Variants in NRXN3 observed in about 807,000 individuals in gnomAD.
NRXN3 encodes neurexin 3, also known as neurexin III.
A neutral mutation model predicts 137.6 loss-of-function variants in NRXN3; 32 were observed. The observed-to-expected ratio is 0.23, with a 90% CI of 0.18 to 0.31. The LOEUF (loss-of-function observed/expected upper bound fraction) is 0.31. Ranked by LOEUF, NRXN3 falls within the 10% of genes least tolerant of loss-of-function variation. The pLI is 1.00. For synonymous variants in NRXN3, 798 were observed against 784.5 expected (o/e 1.02, Z -0.29); for missense variants, 1,574 against 2,062.5 (o/e 0.76, Z 4.59).
chr14:78,308,474 A>G (rs1249683696), intron 4 of NRXN3, among the ~76,000 whole-genome samples: 3 of 152,080 alleles, frequency 2.0e-5, no homozygotes, highest in African/African-American at 4.8e-5. Flanking sequence ...TTTTCTCTGT[A>G]CTTTGACCTC....
chr14:79,229,331 T>C (rs978806103), intron 15 of NRXN3, among the ~76,000 whole-genome samples: 3 of 152,162 alleles, frequency 2.0e-5, no homozygotes, highest in African/African-American at 7.2e-5. Flanking sequence ...ATCTATTCTG[T>C]TTTTAGGCTT....
chr14:79,538,289 T>G (rs2153730112), intron 16 of NRXN3, among the ~76,000 whole-genome samples: 2 of 152,324 alleles, frequency 1.3e-5, no homozygotes, highest in East Asian at 1.9e-4. Context: ...AGAAGCTCTT[T>G]AGTTTAATTA....
At chr14:79,579,697 T>C (rs2097697387) in intron 16 of NRXN3, among the ~76,000 whole-genome samples, 1 of 152,150 alleles carries the variant, frequency 6.6e-6, no homozygotes, top group African/African-American at 2.4e-5. Flanking sequence ...TACATATCAG[T>C]GGGGTCCATG....
chr14:79,131,404 C>A (rs1203823832), intron 15 of NRXN3, among the ~76,000 whole-genome samples: 1 of 152,152 alleles, frequency 6.6e-6, no homozygotes, highest in East Asian at 1.9e-4. Flanking sequence ...ACAGACAGGA[C>A]CCTCAGCTGC....
chr14:78,314,961 T>TC (rs1392648156), intron 4 of NRXN3, among the ~76,000 whole-genome samples: 2 of 82,178 alleles, frequency 2.4e-5, no homozygotes. Flanking sequence ...CTTCCTTCCT[T>TC]CCTTCCTTCC....
At chr14:79,258,754 A>T (rs2077128538) in intron 15 of NRXN3, among the ~76,000 whole-genome samples, 1 of 152,178 alleles carries the variant, frequency 6.6e-6, no homozygotes, top group Non-Finnish European at 1.5e-5. Flanking sequence ...AATGGGAGAT[A>T]TCATTATGCT....
At chr14:79,280,293 T>C in intron 15 of NRXN3, 1 of 1,614,090 alleles carries the variant, frequency 6.2e-7, no homozygotes, top group Non-Finnish European at 8.5e-7. Context: ...GCGTTGACCA[T>C]GCACCTGAGA....
At chr14:78,224,156 G>A (rs2064189453) in intron 1 of NRXN3, among the ~76,000 whole-genome samples, 1 of 150,320 alleles carries the variant, frequency 6.7e-6, no homozygotes, top group Non-Finnish European at 1.5e-5. Context: ...TTGGCATCCA[G>A]GACCTTTGGA....
chr14:78,577,266 C>T (rs1320668605), intron 4 of NRXN3, among the ~76,000 whole-genome samples: 2 of 152,254 alleles, frequency 1.3e-5, no homozygotes, highest in Non-Finnish European at 2.9e-5. Flanking sequence ...TGTTGGTCCT[C>T]ATTATTCCCA....
At chr14:78,614,896 A>G (rs769584076) in intron 4 of NRXN3, 22 of 454,108 alleles carry the variant, frequency 4.8e-5, no homozygotes, top group Admixed American at 3.1e-4. Context: ...CTCAGCAGCT[A>G]GTGGAACTCT....
chr14:78,805,263 T>C (rs1200778555), intron 9 of NRXN3, among the ~76,000 whole-genome samples: 3 of 152,186 alleles, frequency 2.0e-5, no homozygotes, highest in African/African-American at 7.2e-5. Context: ...TTGGTTTTTC[T>C]TTTGTTTGTG....
chr14:78,810,393 A>ACTG, intron 10 of NRXN3, 49 bp downstream of exon 10: 1 of 1,105,108 alleles, frequency 9.0e-7, no homozygotes, highest in Non-Finnish European at 1.3e-6. Flanking sequence ...AAAAAAACAA[A>ACTG]ACTGACTTTA....
At position 79,141,346 on chromosome 14, in the gene NRXN3, A is replaced by G. The variant is rs565988157; in HGVS notation, c.3262+153205A>G. Among the ~76,000 whole-genome samples, 30 of 152,318 alleles carry G rather than the reference A, an allele frequency of 2.0e-4. No individual in the cohort carries two copies. The South Asian group carries it at 6.2e-3, about 32-fold the overall frequency. On this transcript the variant is annotated intron_variant, in intron 15 of 20. Transcript: ENST00000335750. ...CCCTTGTCCATATCACATGTTATCT[A>G]TCATCCTTAATGTCACTAATAAATT...
chr14:79,063,911 A>G (rs1170516000), intron 15 of NRXN3, among the ~76,000 whole-genome samples: 1 of 152,190 alleles, frequency 6.6e-6, no homozygotes, highest in Non-Finnish European at 1.5e-5. Context: ...AAGAGAATGC[A>G]TATGATCTTT....
intron 19 of NRXN3, among the ~76,000 whole-genome samples, chr14:79,754,996 T>G (rs1029844647): frequency 2.0e-5 from 3 of 152,188 alleles, no homozygotes; most frequent in Non-Finnish European, 4.4e-5. Flanking sequence ...CATGCAGAAC[T>G]GTGAGTCAAT....
intron 8 of NRXN3, among the ~76,000 whole-genome samples, chr14:78,765,753 A>G (rs2098706917): frequency 6.6e-6 from 1 of 152,160 alleles, no homozygotes; most frequent in African/African-American, 2.4e-5. Flanking sequence ...ACACACACAC[A>G]TACATATATA....
At chr14:79,380,175 A>ATATT (rs1440963114) in intron 15 of NRXN3, among the ~76,000 whole-genome samples, 6 of 127,854 alleles carry the variant, frequency 4.7e-5, no homozygotes, top group African/African-American at 1.1e-4. Context: ...TTTGGTAGAT[A>ATATT]TATTTATTTA....
At chr14:79,084,747 AT>A (rs1249355175) in intron 15 of NRXN3, among the ~76,000 whole-genome samples, 1 of 152,026 alleles carries the variant, frequency 6.6e-6, no homozygotes, top group Admixed American at 6.6e-5. Flanking sequence ...AATCGTATTG[AT>A]TTTTTTAAAA....
At chr14:79,282,603 C>T (rs1451920872) in intron 15 of NRXN3, among the ~76,000 whole-genome samples, 1 of 151,990 alleles carries the variant, frequency 6.6e-6, no homozygotes, top group African/African-American at 2.4e-5. Context: ...TCCTTTAAAT[C>T]TTTTTGACTG....
Sources: allele counts gnomAD v4.1 joint callset (sites outside exome capture counted in the v4.1 genomes callset), GRCh38; gene constraint gnomAD v4.1.1; transcripts MANE v1.5; gene names NCBI Gene and HGNC (gene_info 2026-07-23, HGNC 2026-07-21).